The following IL17D variants were observed in gnomAD, a reference collection of about 807,000 sequenced individuals.
IL17D encodes the protein interleukin 17D.
A neutral mutation model predicts 5.7 loss-of-function variants in IL17D; 10 were observed. The ratio of observed to expected loss-of-function variants is 1.75; its 90% confidence interval spans 1.08 to 2.97. IL17D has a LOEUF of 2.97. IL17D is among the 30% of genes most tolerant of loss of function. The pLI is 0.00. For missense variants in IL17D, 354 were observed against 292.7 expected, an observed-to-expected ratio of 1.21 and a Z score of -1.53; for synonymous variants, 172 against 141.7, an observed-to-expected ratio of 1.21 and a Z score of -1.52.
chr13:20,718,286 C>T (rs1223057795), intron 1 of IL17D, among the ~76,000 whole-genome samples: 1 of 152,132 alleles, frequency 6.6e-6, no homozygotes, highest in Non-Finnish European at 1.5e-5. Context: ...TCGAATAGCT[C>T]ACCATGACTC....
At chr13:20,709,175 T>C (rs1594997101) in intron 1 of IL17D, among the ~76,000 whole-genome samples, 1 of 147,640 alleles carries the variant, frequency 6.8e-6, no homozygotes, top group East Asian at 2.0e-4. Context: ...CCCAGCAGGC[T>C]ACGTTGGCAA....
Position 20,704,084 on chromosome 13 carries a change from C to G in IL17D, c.83C>G (p.Pro28Arg). The G allele has an allele frequency of 8.7e-6, 10 of 1,150,210 alleles. No homozygotes were observed. The highest frequency in any genetic ancestry group is 1.1e-5 in the Non-Finnish European group (10 of 937,912). 71.3% of individuals were successfully genotyped at this position (1,150,210 alleles called of 1,614,324 possible). A position where few individuals can be genotyped will look rare whatever the true frequency, so the allele number is the denominator to read the frequency against. Residue 28 changes from proline (P) to arginine (R), a missense_variant, in exon 1 of 2, where the codon CCG becomes CGG. Transcript: ENST00000682841. Reference sequence around the variant, plus strand: ...AGGGCGGGCAGGCGCCCCGCGCGGCCGCGGGGCTGCGCGGACCGGCCGGAG... The same window carrying G: ...AGGGCGGGCAGGCGCCCCGCGCGGCGGCGGGGCTGCGCGGACCGGCCGGAG... ...APRAGRRPARPRGCADRPEEL... is the reference protein window; with the variant it reads ...APRAGRRPARRRGCADRPEEL...
At chr13:20,708,978 A>G (rs9579930) in intron 1 of IL17D, among the ~76,000 whole-genome samples, 31,167 of 131,014 alleles carry the variant, frequency 0.24, 4,183 homozygotes, top group African/African-American at 0.32. Flanking sequence ...AAAAAAAAAA[A>G]GAAAGAAAGA....
Position 20,704,049 on chromosome 13 carries a change from GGGCGCCCCGAGGGCGGGCA to G in IL17D, c.58_76del (p.Ala21GlyfsTer94), listed in dbSNP as rs1470424914. 2.8e-6 allele frequency: 3 copies of G among 1,059,652 alleles called. No homozygotes were observed. Among genetic ancestry groups the G allele is most frequent in the South Asian group, 4.4e-5 (1 of 22,860 alleles). 65.6% of individuals were successfully genotyped at this position (1,059,652 alleles called of 1,614,324 possible). A position where few individuals can be genotyped will look rare whatever the true frequency, so the allele number is the denominator to read the frequency against. ...TGGCGCTGCCGCCGAGCTGGGCCGC[GGGCGCCCCGAGGGCGGGCA>G]GGCGCCCCGCGCGGCCGCGGGGCTG... On this transcript the variant is annotated frameshift_variant, in exon 1 of 2. Coordinates refer to ENST00000682841, the MANE Select transcript of IL17D (RefSeq NM_001385224.1). LOFTEE classifies it high-confidence loss of function.
At chr13:20,721,284 C>G (rs1369779450) in intron 1 of IL17D, among the ~76,000 whole-genome samples, 1 of 152,188 alleles carries the variant, frequency 6.6e-6, no homozygotes, top group Non-Finnish European at 1.5e-5. Flanking sequence ...AGAGCCTTGC[C>G]GGCGGGAAGC....
At chr13:20,718,622 C>CT (rs1555324065) in intron 1 of IL17D, among the ~76,000 whole-genome samples, 5 of 133,942 alleles carry the variant, frequency 3.7e-5, no homozygotes, top group South Asian at 2.6e-4. Context: ...CACCTGCCCC[C>CT]CACACACAGG....
At chr13:20,702,274 G>A (rs984314742), upstream of IL17D, 10 of 152,342 alleles carry the variant, frequency 6.6e-5, no homozygotes, top group Non-Finnish European at 1.3e-4. Flanking sequence ...AGATTTCAGT[G>A]AGATTTTTAG....
chr13:20,709,386 T>C (rs563546388), intron 1 of IL17D, among the ~76,000 whole-genome samples: 25 of 152,152 alleles, frequency 1.6e-4, no homozygotes, highest in Non-Finnish European at 2.9e-4. Flanking sequence ...GGCAAGAGAT[T>C]GGAAGCTACC....
chr13:20,719,089 A>G (rs1262884772), intron 1 of IL17D, among the ~76,000 whole-genome samples: 1 of 130,692 alleles, frequency 7.7e-6, no homozygotes, highest in Non-Finnish European at 1.6e-5. Context: ...ACAACTACCC[A>G]TGCTCACACC....
Position 20,716,070 on chromosome 13 carries a change from C to T in IL17D, c.291-5566C>T, listed in dbSNP as rs1006250475. 96 of 984,986 alleles carry T rather than the reference C, an allele frequency of 9.7e-5. No homozygotes were observed. The African/African-American group carries it at 1.6e-3, about 17-fold the overall frequency. 61.0% of individuals were successfully genotyped at this position (984,986 alleles called of 1,614,324 possible). On this transcript the variant is annotated intron_variant, in intron 1 of 1. Coordinates refer to ENST00000682841, the MANE Select transcript of IL17D (RefSeq NM_001385224.1). The surrounding 1 kb of genome is among the most constrained non-coding windows in gnomAD (Gnocchi z 4.2). The stretch of plus-strand genomic sequence containing the variant: ...CTTTTAACAGGAGTCCCATATAGGC[C>T]TCATGCCGGTGGTCTGAAAACCACA...
chr13:20,716,144 T>TGTTTTTCA lies in IL17D; in HGVS notation c.291-5491_291-5484dup. 1 of 979,948 alleles carries TGTTTTTCA rather than the reference T, an allele frequency of 1.0e-6. No homozygotes were observed. The highest frequency in any genetic ancestry group is 1.2e-6 in the Non-Finnish European group (1 of 824,926). 60.7% of individuals were successfully genotyped at this position (979,948 alleles called of 1,614,324 possible). ...CCTTCTTATCTCTTGCAAAGGTTAGTGTTTTTCACAGGACTCTCAGCTCTT... is the reference window on the plus strand; with the variant it reads ...CCTTCTTATCTCTTGCAAAGGTTAGTGTTTTTCAGTTTTTCACAGGACTCTCAGCTCTT... On this transcript the variant is annotated intron_variant, in intron 1 of 1. Transcript: ENST00000682841. This position sits in a 1 kb window ranked among gnomAD's most constrained non-coding sequence, Gnocchi z 4.2.
At position 20,721,646 on chromosome 13, in the gene IL17D, G is replaced by C. The variant is rs1356914221; in HGVS notation, c.301G>C (p.Asp101His). Reference protein sequence around the residue: ...VSPWAYRISYDPARYPRYLPE... With the variant: ...VSPWAYRISYHPARYPRYLPE... The stretch of plus-strand genomic sequence containing the variant: ...GCTCTCTCCCTGCAGAATCTCCTAC[G>C]ACCCGGCGAGGTACCCCAGGTACCT... Residue 101 changes from aspartate (D) to histidine (H), a missense_variant, in exon 2 of 2, where the codon GAC (aspartate) becomes CAC (histidine). Coordinates refer to ENST00000682841, the MANE Select transcript of IL17D (RefSeq NM_001385224.1). The C allele has an allele frequency of 5.0e-6, 8 of 1,598,108 alleles. No individual in the cohort carries two copies. Among genetic ancestry groups the C allele is most frequent in the Non-Finnish European group, 6.0e-6 (7 of 1,170,422 alleles).
Position 20,721,996 on chromosome 13 carries a change from A to G in IL17D, c.*42A>G. On this transcript the variant is annotated 3_prime_UTR_variant, in exon 2 of 2. Coordinates refer to ENST00000682841, the MANE Select transcript of IL17D (RefSeq NM_001385224.1). ...GGAGGTCTCCCCGGCCCGCATCCCG[A>G]GGCGCCCAAGCTGGAGCCGCCTGGA... The G allele has an allele frequency of 6.7e-7, 1 of 1,495,802 alleles. No homozygotes were observed. Among genetic ancestry groups the G allele is most frequent in the Non-Finnish European group, 8.9e-7 (1 of 1,125,494 alleles). The allele number at this position is 1,495,802 out of a possible 1,614,324, so 92.7% of individuals were successfully genotyped here. A position where few individuals can be genotyped will look rare whatever the true frequency, so the allele number is the denominator to read the frequency against.
At chr13:20,708,807 G>A (rs1352609724) in intron 1 of IL17D, among the ~76,000 whole-genome samples, 4 of 134,682 alleles carry the variant, frequency 3.0e-5, no homozygotes, top group Admixed American at 8.1e-5. Flanking sequence ...AGACCATCCT[G>A]GCTAACATGG....
upstream of IL17D, chr13:20,703,228 C>G: frequency 1.0e-6 from 1 of 970,516 alleles, no homozygotes; most frequent in Non-Finnish European, 1.2e-6. Context: ...GTTTGCGTGG[C>G]CCTTCGGGTT....
At chr13:20,705,046 G>C (rs532855598) in intron 1 of IL17D, among the ~76,000 whole-genome samples, 35 of 152,292 alleles carry the variant, frequency 2.3e-4, no homozygotes, top group African/African-American at 7.7e-4. Flanking sequence ...GAAGGGGAAG[G>C]CTGGAGAAGT....
At chr13:20,720,770 A>C (rs41496645) in intron 1 of IL17D, among the ~76,000 whole-genome samples, 2,764 of 152,112 alleles carry the variant, frequency 0.018, 92 homozygotes, top group African/African-American at 0.064. Context: ...TTCCGCAAGC[A>C]CAAGAGGTGG....
Position 20,715,339 on chromosome 13 carries a change from CTGAT to C in IL17D, c.291-6294_291-6291del, listed in dbSNP as rs1253655493. Among the ~76,000 whole-genome samples the C allele has an allele frequency of 2.0e-5, 3 of 152,292 alleles. No individual in the cohort carries two copies. In the East Asian group the frequency reaches 5.8e-4, roughly 29 times the overall value. ...CAGGGAAGCCATCCCATTGGCAACA[CTGAT>C]TGCTTACTGGGTTAATAATGACCTT... On this transcript the variant is annotated intron_variant, in intron 1 of 1. Transcript: ENST00000682841.
chr13:20,716,115 G>T lies in IL17D; in HGVS notation c.291-5521G>T. 1 of 985,092 alleles carries T rather than the reference G, an allele frequency of 1.0e-6. No homozygotes were observed. Among genetic ancestry groups the T allele is most frequent in the Non-Finnish European group, 1.2e-6 (1 of 829,616 alleles). The allele number at this position is 985,092 out of a possible 1,614,324, so 61.0% of individuals were successfully genotyped here. On this transcript the variant is annotated intron_variant, in intron 1 of 1. Coordinates refer to ENST00000682841, the MANE Select transcript of IL17D (RefSeq NM_001385224.1). This position sits in a 1 kb window ranked among gnomAD's most constrained non-coding sequence, Gnocchi z 4.2. Reference sequence around the variant, plus strand: ...ACCACATTTTGGAAATCTTGTTTATGCCGCCTTCTTATCTCTTGCAAAGGT... The same window carrying T: ...ACCACATTTTGGAAATCTTGTTTATTCCGCCTTCTTATCTCTTGCAAAGGT...
Sources: gnomAD v4.1 joint callset for allele counts (sites outside exome capture counted in the v4.1 genomes callset) on GRCh38, gnomAD v4.1.1 for gene constraint, Gnocchi (gnomAD v3.1) non-coding constraint, MANE v1.5 for transcripts, NCBI Gene and HGNC (gene_info 2026-07-23, HGNC 2026-07-21) for gene names.